DSP: variants seen among roughly 807,000 people sequenced by gnomAD.
DSP encodes 250/210 kDa paraneoplastic pemphigus antigen.
In DSP, 114 loss-of-function variants were observed where a neutral mutation model predicts 290.6. The observed-to-expected ratio is 0.39, with a 90% CI of 0.34 to 0.46. The LOEUF is 0.46. DSP is among the 20% of genes least tolerant of loss of function. The probability of loss-of-function intolerance (pLI) is 0.99; values close to 1 mark genes in which losing one functional copy is unlikely to be tolerated. For missense variants in DSP, 3,230 were observed against 3,495.8 expected (o/e 0.92, Z 1.92); for synonymous variants, 1,311 against 1,316.4 (o/e 1.00, Z 0.09).
chr6:7,564,836 T>A (rs1758807981), intron 6 of DSP, among the ~76,000 whole-genome samples: 1 of 152,044 alleles, frequency 6.6e-6, no homozygotes, highest in Non-Finnish European at 1.5e-5. Context: ...AAAAAAGACC[T>A]TATTTAGAAG....
In DSP at chr6:7,550,218, G is replaced by GT. The variant is rs199882901; in HGVS notation, c.171-5495dup. On this transcript the variant is annotated intron_variant, in intron 1 of 23. Transcript: ENST00000379802. ...GTGTGCCTTCATGCCCAGCTGTTTT[G>GT]TTTTTGTTTTTTTTTCTGTAGAGAT... 4.9e-3 allele frequency among the ~76,000 whole-genome samples: 678 copies of GT among 139,630 alleles called. 17 individuals are homozygous for GT. The highest frequency in any genetic ancestry group is 6.9e-3 in the South Asian group (31 of 4,494). 91.6% of individuals were successfully genotyped at this position (139,630 alleles called of 152,430 possible).
chr6:7,555,864 A>G, intron 2 of DSP, 44 bp downstream of exon 2: 1 of 1,573,714 alleles, frequency 6.4e-7, no homozygotes, highest in Non-Finnish European at 8.7e-7. Flanking sequence ...AGCCTTGGCC[A>G]CACCCGACTG....
chr6:7,552,337 T>G (rs553947695), intron 1 of DSP, among the ~76,000 whole-genome samples: 1 of 151,888 alleles, frequency 6.6e-6, no homozygotes, highest in Non-Finnish European at 1.5e-5. Context: ...GGGCAGATCA[T>G]TTGAGGTCAG....
rs749238502 is a variant in DSP at position 7,571,968 on chromosome 6, G to A, written c.2030G>A (p.Arg677Lys). 57 of 1,614,058 alleles carry A rather than the reference G, an allele frequency of 3.5e-5. No homozygotes were observed. The highest frequency in any genetic ancestry group is 4.5e-5 in the Non-Finnish European group (53 of 1,180,044). ...WMLMELQKIR[R>K]QIEHCEGRMT... is the part of the protein sequence containing the mutation. ...CTGATGGAGCTGCAGAAGATTCGCAGGCAGATAGAGCACTGCGAGGGCAGG... is the reference window on the plus strand; with the variant it reads ...CTGATGGAGCTGCAGAAGATTCGCAAGCAGATAGAGCACTGCGAGGGCAGG... The change falls in exon 15 of 24, where the codon AGG becomes AAG. Residue 677 changes from arginine to lysine, a missense_variant. Coordinates refer to ENST00000379802, the MANE Select transcript of DSP (RefSeq NM_004415.4).
At position 7,562,719 on chromosome 6, in the gene DSP, G is replaced by A. The variant is rs377749481; in HGVS notation, c.665G>A (p.Arg222Gln). The stretch of plus-strand genomic sequence containing the variant: ...GTGGAGCAGCACATTAACAGCCACC[G>A]GGGCATCCACAACTCCATCGGCGAC... ...ASVEQHINSH[R>Q]GIHNSIGDYR... is the part of the protein sequence containing the mutation. Residue 222 changes from arginine (R) to glutamine (Q), a missense_variant, in exon 5 of 24, where the codon CGG becomes CAG. Transcript: ENST00000379802. 1.2e-5 allele frequency: 19 copies of A among 1,613,992 alleles called. No homozygotes were observed. Among genetic ancestry groups the A allele is most frequent in the African/African-American group, 6.7e-5 (5 of 74,908 alleles).
intron 6 of DSP, among the ~76,000 whole-genome samples, chr6:7,564,739 C>T (rs1474414255): frequency 6.6e-6 from 1 of 152,110 alleles, no homozygotes; most frequent in Non-Finnish European, 1.5e-5. Context: ...CCCACTTATC[C>T]TGATTTGATC....
In DSP at chr6:7,580,799, C is replaced by A. The variant is rs28763967; in HGVS notation, c.4609C>A (p.Arg1537Ser). Residue 1537 changes from arginine to serine, a missense_variant, in exon 23 of 24, where the codon CGC (arginine) becomes AGC (serine). By Grantham distance (110) the Arg-to-Ser change is moderately radical (BLOSUM62 -1). Around this residue, in one of 5 missense-constraint regions of DSP, gnomAD observed 1,714 missense variants for 1,844.5 expected, o/e 0.93. Transcript: ENST00000379802. This position sits in a 1 kb window ranked among gnomAD's most constrained non-coding sequence, Gnocchi z 4.2. ...GAAGGTTCAGGAGCAAGAACTGACACGCCTGAGGATCGACTATGAAAGGGT... is the reference window on the plus strand; with the variant it reads ...GAAGGTTCAGGAGCAAGAACTGACAAGCCTGAGGATCGACTATGAAAGGGT... ...KLKVQEQELTRLRIDYERVSQ... is the reference protein window; with the variant it reads ...KLKVQEQELTSLRIDYERVSQ... 3 of 1,614,112 alleles carry A rather than the reference C, an allele frequency of 1.9e-6. No individual in the cohort carries two copies. Among genetic ancestry groups the A allele is most frequent in the Non-Finnish European group, 2.5e-6 (3 of 1,180,034 alleles).
chr6:7,582,476 T>C lies in DSP; in HGVS notation c.5380-166T>C, dbSNP rs564011560. 9.2e-5 allele frequency among the ~76,000 whole-genome samples: 14 copies of C among 151,866 alleles called. No homozygotes were observed. The highest frequency in any genetic ancestry group is 6.8e-3 in the Middle Eastern group (2 of 294). Reference sequence around the variant, plus strand: ...CATATACAGAATTTTTCCCACAAATTTGTAAAATAACAAGCTCACAGTGTA... The same window carrying C: ...CATATACAGAATTTTTCCCACAAATCTGTAAAATAACAAGCTCACAGTGTA... On this transcript the variant is annotated intron_variant, in intron 23 of 23. Transcript: ENST00000379802. This position sits in a 1 kb window ranked among gnomAD's most constrained non-coding sequence, Gnocchi z 4.2.
chr6:7,571,275 G>A, intron 13 of DSP, 108 bp from the exon 14 acceptor site: 1 of 1,001,424 alleles, frequency 1.0e-6, no homozygotes, highest in Non-Finnish European at 1.6e-6. Context: ...CCTGTGATGA[G>A]TGTTGCTTTG....
Position 7,579,182 on chromosome 6 carries a change from A to C in DSP, c.3085-93A>C. ...GTCCATGTGTGTAAAGAGAAATAAG[A>C]ATGCACATTGGTCTGGGAGGGGAAA... On this transcript the variant is annotated intron_variant, in intron 22 of 23. Coordinates refer to ENST00000379802, the MANE Select transcript of DSP (RefSeq NM_004415.4). The surrounding 1 kb of genome is among the most constrained non-coding windows in gnomAD (Gnocchi z 4.1). 6.6e-7 allele frequency: 1 copy of C among 1,524,802 alleles called. No individual in the cohort carries two copies. Among genetic ancestry groups the C allele is most frequent in the Non-Finnish European group, 8.9e-7 (1 of 1,120,522 alleles). The allele number at this position is 1,524,802 out of a possible 1,614,324, so 94.5% of individuals were successfully genotyped here.
Position 7,570,613 on chromosome 6 carries a change from C to G in DSP, c.1701+50C>G, listed in dbSNP as rs778403870. 3.1e-6 allele frequency: 5 copies of G among 1,609,660 alleles called. No individual in the cohort carries two copies. In the South Asian group the frequency reaches 5.5e-5, roughly 18 times the overall value. On this transcript the variant is annotated intron_variant, in intron 13 of 23. Transcript: ENST00000379802. Reference sequence around the variant, plus strand: ...TGCCTGGAGGGAGGGCAGCGCTGCCCCCCGCAGTGCCTGTGTCCAACAGTT... The same window carrying G: ...TGCCTGGAGGGAGGGCAGCGCTGCCGCCCGCAGTGCCTGTGTCCAACAGTT...
chr6:7,558,165 A>T lies in DSP; in HGVS notation c.323A>T (p.Asp108Val). 1 of 1,614,212 alleles carries T rather than the reference A, an allele frequency of 6.2e-7. No homozygotes were observed. The highest frequency in any genetic ancestry group is 8.5e-7 in the Non-Finnish European group (1 of 1,180,038). ...CAACTGACTCGGAGTCGAGAATTGG[A>T]TGAGTGTTTTGCCCAGGCCAATGAC... Reference protein sequence around the residue: ...GIQLTRSRELDECFAQANDQM... With the variant: ...GIQLTRSRELVECFAQANDQM... Residue 108 changes from aspartate (D) to valine (V), a missense_variant, in exon 3 of 24, where the codon GAT becomes GTT. Physicochemically the swap from Asp to Val is radical, Grantham distance 152. Transcript: ENST00000379802.
At position 7,585,371 on chromosome 6, in the gene DSP, AAAG is replaced by A. The variant is rs397516962; in HGVS notation, c.8117_8119del (p.Lys2706del). 1.5e-4 allele frequency: 242 copies of A among 1,614,062 alleles called. No homozygotes were observed. In the Admixed American group the frequency reaches 3.2e-3, roughly 21 times the overall value. ...TCATAGGCTTCGAGGGTGTGAAGGG[AAAG>A]AAGAAGATGTCAGCAGCAGAGGCAG... On this transcript the variant is annotated inframe_deletion, in exon 24 of 24. Coordinates refer to ENST00000379802, the MANE Select transcript of DSP (RefSeq NM_004415.4).
chr6:7,550,393 A>G (rs887221167), intron 1 of DSP, among the ~76,000 whole-genome samples: 2 of 152,182 alleles, frequency 1.3e-5, no homozygotes, highest in African/African-American at 4.8e-5. Context: ...TTGGCAACAC[A>G]TGTAAAGCTA....
chr6:7,575,802 G>C (rs1252016446), intron 18 of DSP, among the ~76,000 whole-genome samples: 6 of 152,106 alleles, frequency 3.9e-5, no homozygotes, highest in Non-Finnish European at 8.8e-5. Flanking sequence ...GCTGCCTTGA[G>C]TTAGCATTCT....
At position 7,581,187 on chromosome 6, in the gene DSP, G is replaced by C; in HGVS notation, c.4997G>C (p.Arg1666Pro). Residue 1666 changes from arginine (R) to proline (P), a missense_variant, in exon 23 of 24, where the codon CGG becomes CCG. By Grantham distance (103) the Arg-to-Pro change is moderately radical. Around this residue, in one of 5 missense-constraint regions of DSP, gnomAD observed 1,714 missense variants for 1,844.5 expected, o/e 0.93. Transcript: ENST00000379802. ...TCTTCTGAGGTCGAGGCCCTGAGGC[G>C]GCAGTTACTCCAGGAACAGGAAAGT... The part of the protein sequence containing the change: ...RLSSEVEALR[R>P]QLLQEQESVK... 1 of 1,614,144 alleles carries C rather than the reference G, an allele frequency of 6.2e-7. No individual in the cohort carries two copies. Among genetic ancestry groups the C allele is most frequent in the Non-Finnish European group, 8.5e-7 (1 of 1,180,040 alleles).
intron 8 of DSP, 47 bp from the exon 9 acceptor site, chr6:7,567,307 C>A: frequency 6.8e-7 from 1 of 1,473,136 alleles, no homozygotes; most frequent in Non-Finnish European, 9.5e-7. Flanking sequence ...GTTCATGCAT[C>A]TGTACAACTG....
At chr6:7,572,648 A>C (rs1759090923) in intron 15 of DSP, among the ~76,000 whole-genome samples, 1 of 152,216 alleles carries the variant, frequency 6.6e-6, no homozygotes, top group Non-Finnish European at 1.5e-5. Flanking sequence ...TGGACTTTTT[A>C]AGGGCAAAAA....
intron 4 of DSP, 145 bp downstream of exon 4, chr6:7,559,545 C>A: frequency 9.8e-7 from 1 of 1,018,154 alleles, no homozygotes. Context: ...TCCTCCTATA[C>A]AATTTGAAAA....
Sources: gnomAD v4.1 joint callset for allele counts (sites outside exome capture counted in the v4.1 genomes callset) on GRCh38, gnomAD v4.1.1 for gene constraint, gnomAD v4.1.1 regional missense constraint, Gnocchi (gnomAD v3.1) non-coding constraint, MANE v1.5 for transcripts, NCBI Gene and HGNC (gene_info 2026-07-23, HGNC 2026-07-21) for gene names.